Variants in RAD17 observed in about 807,000 individuals in gnomAD.
The protein encoded by RAD17 is RAD17 checkpoint clamp loader component.
A neutral mutation model predicts 81.5 loss-of-function variants in RAD17; 31 were observed. The ratio of observed to expected loss-of-function variants is 0.38; its 90% CI spans 0.29 to 0.51. RAD17 has a LOEUF of 0.51. Among genes scored for constraint, RAD17 ranks in the 20% least tolerant of loss-of-function variants. The pLI, the probability that RAD17 is intolerant of heterozygous loss-of-function variation, is 0.88. For missense variants in RAD17, 681 were observed against 781.2 expected, an observed-to-expected ratio of 0.87 and a Z score of 1.53; for synonymous variants, 261 against 266.2, an observed-to-expected ratio of 0.98 and a Z score of 0.19.
Position 69,374,003 on chromosome 5 carries a change from A to G in RAD17, c.183A>G (p.Leu61=). The G allele has an allele frequency of 1.2e-6, 2 of 1,612,764 alleles. No homozygotes were observed. Among genetic ancestry groups the G allele is most frequent in the Non-Finnish European group, 1.7e-6 (2 of 1,178,940 alleles). Residue 61 remains leucine, a synonymous_variant, in exon 5 of 19, where the codon TTA becomes TTG. Coordinates refer to ENST00000354868, the MANE Select transcript of RAD17 (RefSeq NM_133338.3). The part of the protein sequence containing the change: ...PARKRGNLSS[L]EQIYGLENSK... Reference sequence around the variant, plus strand: ...GAAAAAGAGGAAATCTATCTTCCTTAGAACAGATTTATGGTTTAGAAAATT... The same window carrying G: ...GAAAAAGAGGAAATCTATCTTCCTTGGAACAGATTTATGGTTTAGAAAATT...
chr5:69,377,660 T>C (rs1475237834), intron 6 of RAD17, among the ~76,000 whole-genome samples: 3 of 87,480 alleles, frequency 3.4e-5, no homozygotes, highest in African/African-American at 7.2e-5. Context: ...CATATATATA[T>C]GTATACATAT....
chr5:69,369,666 G>C, upstream of RAD17: 1 of 1,558,074 alleles, frequency 6.4e-7, no homozygotes. Flanking sequence ...CCTGGCTTTC[G>C]ATGACACATT....
upstream of RAD17, chr5:69,369,430 C>T: frequency 6.2e-7 from 1 of 1,607,422 alleles, no homozygotes; most frequent in Non-Finnish European, 8.5e-7. Flanking sequence ...CCAGCCTGCC[C>T]CAGCCCAGTC....
At chr5:69,386,015 A>G (rs1764191418) in intron 8 of RAD17, 28 bp from the exon 9 acceptor site, 3 of 1,501,812 alleles carry the variant, frequency 2.0e-6, no homozygotes, top group Non-Finnish European at 2.7e-6. Flanking sequence ...ATAAAACTAT[A>G]CTATTATTTA....
rs1561239005 is a variant in RAD17 at position 69,377,487 on chromosome 5, A to G, written c.351+2776A>G. ...TATATATATATATACACACACACAC[A>G]TATATATACGTATATATATGTATAT... On this transcript the variant is annotated intron_variant, in intron 6 of 18. Transcript: ENST00000354868. 1.7e-3 allele frequency among the ~76,000 whole-genome samples: 76 copies of G among 44,120 alleles called. 6 individuals carry two copies. The East Asian group carries it at 0.044, about 26-fold the overall frequency. 28.9% of individuals were successfully genotyped at this position (44,120 alleles called of 152,430 possible).
chr5:69,371,454 G>A lies in RAD17; in HGVS notation c.-279G>A. 1.7e-6 allele frequency: 1 copy of A among 598,560 alleles called. No individual in the cohort carries two copies. Among genetic ancestry groups the A allele is most frequent in the East Asian group, 3.7e-5 (1 of 27,092 alleles). The allele number at this position is 598,560 out of a possible 1,614,324, so 37.1% of individuals were successfully genotyped here. ...GGCTTCTTCCCCCCCCCCCCCCCAG[G>A]TGAATTATAGTTTAATGTACTGCAA... On this transcript the variant is annotated splice_region_variant and 5_prime_UTR_variant, in exon 3 of 19. It adds an upstream start codon to the 5' untranslated region. Transcript: ENST00000354868.
At chr5:69,370,897 T>G (rs570466665) in intron 1 of RAD17, 138 bp from the exon 2 acceptor site, 67 of 235,226 alleles carry the variant, frequency 2.8e-4, no homozygotes, top group African/African-American at 1.5e-3. Context: ...CTTAAAATCG[T>G]TGAATTCACT....
In RAD17 at chr5:69,369,906, G is replaced by A. The variant is rs1762820677; in HGVS notation, c.-444G>A. The A allele has an allele frequency of 1.7e-6, 1 of 584,620 alleles. No homozygotes were observed. The highest frequency in any genetic ancestry group is 3.0e-6 in the Non-Finnish European group (1 of 331,844). 36.2% of individuals were successfully genotyped at this position (584,620 alleles called of 1,614,324 possible). A position where few individuals can be genotyped will look rare whatever the true frequency, so the allele number is the denominator to read the frequency against. On this transcript the variant is annotated 5_prime_UTR_variant, in exon 1 of 19. Transcript: ENST00000354868. Reference sequence around the variant, plus strand: ...TAGTCCCTGGTCGCCTCCGCTCTTCGCCTAAAAGGGGATGCAGCTCCGGGA... The same window carrying A: ...TAGTCCCTGGTCGCCTCCGCTCTTCACCTAAAAGGGGATGCAGCTCCGGGA...
At chr5:69,405,256 C>T (rs540596144) in intron 17 of RAD17, among the ~76,000 whole-genome samples, 1 of 152,148 alleles carries the variant, frequency 6.6e-6, no homozygotes, top group East Asian at 1.9e-4. Context: ...GTAATCCCAG[C>T]ACTCTGGGAG....
At chr5:69,413,763 G>A (rs774094334) in intron 18 of RAD17, among the ~76,000 whole-genome samples, 1 of 152,158 alleles carries the variant, frequency 6.6e-6, no homozygotes, top group Non-Finnish European at 1.5e-5. Context: ...TTGAACTCCT[G>A]GCCTCAAGTG....
At chr5:69,371,624 T>C in intron 3 of RAD17, 67 bp downstream of exon 3, 1 of 865,750 alleles carries the variant, frequency 1.2e-6, no homozygotes, top group Non-Finnish European at 1.6e-6. Flanking sequence ...ATATATATTC[T>C]TAATAACTTA....
At chr5:69,412,012 A>G (rs1227719408) in intron 18 of RAD17, among the ~76,000 whole-genome samples, 1 of 151,822 alleles carries the variant, frequency 6.6e-6, no homozygotes, top group East Asian at 1.9e-4. Context: ...GCTGGAGTGC[A>G]GTAGCACGAT....
At chr5:69,375,215 A>T (rs549260784) in intron 6 of RAD17, among the ~76,000 whole-genome samples, 1 of 152,304 alleles carries the variant, frequency 6.6e-6, no homozygotes, top group Admixed American at 6.5e-5. Context: ...TTTCCCCTTT[A>T]TTTGTAACTC....
chr5:69,374,195 T>G, intron 5 of RAD17, 108 bp downstream of exon 5: 1 of 988,322 alleles, frequency 1.0e-6, no homozygotes, highest in African/African-American at 1.7e-5. Context: ...CATAAGAATC[T>G]TTCTAAGTGT....
At chr5:69,377,538 CGT>C (rs1314225337) in intron 6 of RAD17, among the ~76,000 whole-genome samples, 1 of 16,490 alleles carries the variant, frequency 6.1e-5, no homozygotes, top group African/African-American at 1.7e-4. Flanking sequence ...TGTATATATA[CGT>C]ATATATATGC....
chr5:69,382,170 A>G (rs762900181), intron 7 of RAD17, 113 bp downstream of exon 7: 2 of 1,263,946 alleles, frequency 1.6e-6, no homozygotes, highest in Non-Finnish European at 2.2e-6. Context: ...TTTCAGAGGG[A>G]TGGAATTTCA....
intron 11 of RAD17, 75 bp downstream of exon 11, chr5:69,386,540 G>T (rs1374877174): frequency 6.7e-6 from 9 of 1,352,206 alleles, no homozygotes; most frequent in South Asian, 4.7e-5. Context: ...GTAAACTGAA[G>T]GAGTGTTATT....
intron 17 of RAD17, among the ~76,000 whole-genome samples, chr5:69,408,129 G>A (rs942531380): frequency 1.2e-4 from 18 of 151,574 alleles, no homozygotes; most frequent in Non-Finnish European, 1.5e-5. Context: ...CGCAAAGGCA[G>A]TTTCTTTTAC....
chr5:69,398,791 A>G (rs1347759424), intron 16 of RAD17, among the ~76,000 whole-genome samples: 1 of 149,898 alleles, frequency 6.7e-6, no homozygotes, highest in Non-Finnish European at 1.5e-5. Context: ...AGGCGACAGA[A>G]AAAGACTCTG....
Sources: gnomAD v4.1 joint callset for allele counts (sites outside exome capture counted in the v4.1 genomes callset) on GRCh38, gnomAD v4.1.1 for gene constraint, MANE v1.5 for transcripts, NCBI Gene and HGNC (gene_info 2026-07-23, HGNC 2026-07-21) for gene names.